The following SLC35F4 variants were observed in gnomAD, a reference collection of about 807,000 sequenced individuals.
SLC35F4 encodes chromosome 14 open reading frame 36.
A neutral mutation model predicts 44.2 loss-of-function variants in SLC35F4; 24 were observed. The observed-to-expected ratio is 0.54, with a 90% CI of 0.39 to 0.76. The LOEUF is 0.76. Among genes scored for constraint, SLC35F4 ranks in the 30% least tolerant of loss-of-function variants. The pLI is 0.00. For synonymous variants in SLC35F4, 238 were observed against 223.6 expected (o/e 1.06, Z -0.57); for missense variants, 562 against 586.1 (o/e 0.96, Z 0.42).
intron 1 of SLC35F4, among the ~76,000 whole-genome samples, chr14:57,931,622 A>G (rs1225862828): frequency 6.6e-6 from 1 of 152,224 alleles, no homozygotes; most frequent in Non-Finnish European, 1.5e-5. Context: ...CATCAAACAG[A>G]TTGATAACTC....
chr14:57,857,131 G>T (rs770018181), intron 1 of SLC35F4, among the ~76,000 whole-genome samples: 1 of 151,882 alleles, frequency 6.6e-6, no homozygotes, highest in South Asian at 2.1e-4. Context: ...ACAAAAATTA[G>T]CTGGGCATGG....
chr14:57,859,735 G>A lies in SLC35F4; in HGVS notation c.103+5988C>T, dbSNP rs540277817. On this transcript the variant is annotated intron_variant, in intron 1 of 7. Transcript: ENST00000556826. Reference sequence around the variant, plus strand: ...ATGCGATGGATAGAAGGCAGTGATCGCAGGACTGGAAAACACATATCTGGG... The same window carrying A: ...ATGCGATGGATAGAAGGCAGTGATCACAGGACTGGAAAACACATATCTGGG... 2.0e-5 allele frequency among the ~76,000 whole-genome samples: 3 copies of A among 152,256 alleles called. No individual in the cohort carries two copies. The East Asian group carries it at 5.8e-4, about 29-fold the overall frequency.
rs117028812 is a variant in SLC35F4 at position 57,729,800 on chromosome 14, C to T, written c.104-135676G>A. Among the ~76,000 whole-genome samples the T allele has an allele frequency of 2.4e-4, 36 of 152,306 alleles. No homozygotes were observed. In the East Asian group the frequency reaches 6.2e-3, roughly 26 times the overall value. On this transcript the variant is annotated intron_variant, in intron 1 of 7. Coordinates refer to ENST00000556826, the MANE Select transcript of SLC35F4 (RefSeq NM_001306087.2). ...TTGCCTAGGAATTTCAGTCCTGTGT[C>T]CTAGACAGCCTTTCAAGTTTACCTG...
intron 1 of SLC35F4, among the ~76,000 whole-genome samples, chr14:57,787,684 G>A (rs1200210903): frequency 6.6e-6 from 1 of 152,096 alleles, no homozygotes; most frequent in African/African-American, 2.4e-5. Flanking sequence ...AGGAAAGATA[G>A]TCTTTTCCAG....
chr14:57,928,756 A>G (rs543261355), intron 1 of SLC35F4, among the ~76,000 whole-genome samples: 1 of 152,378 alleles, frequency 6.6e-6, no homozygotes, highest in East Asian at 1.9e-4. Flanking sequence ...AGATGCTAGA[A>G]TTACCTGACA....
intron 2 of SLC35F4, among the ~76,000 whole-genome samples, chr14:57,590,821 G>A (rs964723399): frequency 7.9e-5 from 12 of 152,308 alleles, no homozygotes; most frequent in African/African-American, 2.9e-4. Context: ...GGCAGTGGAT[G>A]GGGCTGCTCA....
At chr14:57,636,382 G>A (rs1594659455) in intron 1 of SLC35F4, among the ~76,000 whole-genome samples, 1 of 151,986 alleles carries the variant, frequency 6.6e-6, no homozygotes, top group Non-Finnish European at 1.5e-5. Context: ...TGCTTGTGGG[G>A]TTTATAACAC....
Position 57,850,617 on chromosome 14 carries a change from CT to C in SLC35F4, c.103+15105del, listed in dbSNP as rs1272912716. ...CTTACTTTATGGATATAACATGATA[CT>C]TTTTTTCATTTAAAGCTTCACAGTC... On this transcript the variant is annotated intron_variant, in intron 1 of 7. Transcript: ENST00000556826. Among the ~76,000 whole-genome samples, 3 of 152,118 alleles carry C rather than the reference CT, an allele frequency of 2.0e-5. No individual in the cohort carries two copies. The East Asian group carries it at 5.8e-4, about 29-fold the overall frequency.
intron 2 of SLC35F4, 149 bp from the exon 3 acceptor site, chr14:57,589,662 C>CTGA (rs1185877596): frequency 2.2e-6 from 2 of 902,812 alleles, no homozygotes; most frequent in Non-Finnish European, 3.2e-6. Context: ...TTTGAAGAGA[C>CTGA]TGATAACTTC....
At chr14:57,843,722 A>T (rs937976224) in intron 1 of SLC35F4, among the ~76,000 whole-genome samples, 15 of 152,168 alleles carry the variant, frequency 9.9e-5, no homozygotes, top group Non-Finnish European at 2.2e-4. Context: ...TCTTAATTTT[A>T]TAATAAAATA....
intron 1 of SLC35F4, among the ~76,000 whole-genome samples, chr14:57,737,180 G>T (rs767322742): frequency 2.0e-5 from 3 of 151,548 alleles, no homozygotes; most frequent in Non-Finnish European, 4.4e-5. Flanking sequence ...TTATAGGCAA[G>T]GTACGCCTAA....
downstream of SLC35F4, among the ~76,000 whole-genome samples, chr14:57,972,340 G>T (rs1457959061): frequency 6.6e-6 from 1 of 152,170 alleles, no homozygotes; most frequent in Non-Finnish European, 1.5e-5. Flanking sequence ...CAGAAGCAGG[G>T]AGCTCAGTGA....
intron 1 of SLC35F4, among the ~76,000 whole-genome samples, chr14:57,878,299 TC>T (rs1888445789): frequency 6.6e-6 from 1 of 152,154 alleles, no homozygotes; most frequent in Non-Finnish European, 1.5e-5. Flanking sequence ...CACACAACTT[TC>T]TATCTGATCT....
intron 1 of SLC35F4, among the ~76,000 whole-genome samples, chr14:57,901,914 C>T (rs1022608824): frequency 2.0e-5 from 3 of 152,108 alleles, no homozygotes; most frequent in Non-Finnish European, 4.4e-5. Context: ...CAGTGAAGGT[C>T]TTCTGACCTC....
intron 1 of SLC35F4, among the ~76,000 whole-genome samples, chr14:57,647,519 A>G (rs1355637733): frequency 6.6e-6 from 1 of 152,026 alleles, no homozygotes; most frequent in Non-Finnish European, 1.5e-5. Flanking sequence ...CTGCACTGTA[A>G]TTCCTGGTGG....
At chr14:57,829,133 A>G (rs1008687643) in intron 1 of SLC35F4, among the ~76,000 whole-genome samples, 1 of 152,208 alleles carries the variant, frequency 6.6e-6, no homozygotes, top group Non-Finnish European at 1.5e-5. Context: ...CAAGCACCAA[A>G]TGAGCTACAC....
chr14:57,732,255 T>C (rs1330065713), intron 1 of SLC35F4, among the ~76,000 whole-genome samples: 1 of 152,204 alleles, frequency 6.6e-6, no homozygotes, highest in Non-Finnish European at 1.5e-5. Context: ...ACTTAGTCTG[T>C]ACTATGCCCA....
In SLC35F4 at chr14:57,604,278, G is replaced by A. The variant is rs183871533; in HGVS notation, c.104-10154C>T. The A allele has an allele frequency of 1.4e-3, 220 of 152,194 alleles. 1 individual carries two copies. The highest frequency in any genetic ancestry group is 4.8e-3 in the African/African-American group (201 of 41,518). The allele number at this position is 152,194 out of a possible 1,614,324, so 9.4% of individuals were successfully genotyped here. A position where few individuals can be genotyped will look rare whatever the true frequency, so the allele number is the denominator to read the frequency against. On this transcript the variant is annotated intron_variant, in intron 1 of 7. Coordinates refer to ENST00000556826, the MANE Select transcript of SLC35F4 (RefSeq NM_001306087.2). ...GTTCTGAAATAATTCAGTTTAACCCGAGAAAACAAAAAGAAATTTAAGATT... is the reference window on the plus strand; with the variant it reads ...GTTCTGAAATAATTCAGTTTAACCCAAGAAAACAAAAAGAAATTTAAGATT...
At chr14:57,862,936 T>C (rs1307080583) in intron 1 of SLC35F4, among the ~76,000 whole-genome samples, 2 of 152,256 alleles carry the variant, frequency 1.3e-5, no homozygotes, top group Non-Finnish European at 2.9e-5. Context: ...GGTGTACTCC[T>C]GACACATAGG....
Sources: gnomAD v4.1 joint callset for allele counts (sites outside exome capture counted in the v4.1 genomes callset) on GRCh38, gnomAD v4.1.1 for gene constraint, MANE v1.5 for transcripts, NCBI Gene and HGNC (gene_info 2026-07-23, HGNC 2026-07-21) for gene names.